The following TTLL10 variants were observed in gnomAD, a reference collection of about 807,000 sequenced individuals.
The protein encoded by TTLL10 is tubulin tyrosine ligase like 10, also known as inactive polyglycylase TTLL10.
TTLL10 carries 61 observed loss-of-function variants against 69.0 expected under a neutral mutation model. The observed-to-expected ratio is 0.88, with a 90% confidence interval of 0.72 to 1.09. TTLL10 has a LOEUF of 1.09. Among genes scored for constraint, TTLL10 ranks in the 50% least tolerant of loss-of-function variants. TTLL10 has a pLI of 0.00. For missense variants in TTLL10, 962 were observed against 945.9 expected, an observed-to-expected ratio of 1.02 and a Z score of -0.22; for synonymous variants, 408 against 393.3, an observed-to-expected ratio of 1.04 and a Z score of -0.44.
intron 7 of TTLL10, 36 bp from the exon 8 acceptor site, chr1:1,180,695 G>T (rs976706600): frequency 1.3e-6 from 2 of 1,585,610 alleles, no homozygotes; most frequent in Non-Finnish European, 1.7e-6. Flanking sequence ...GAGGTCCTGC[G>T]CTCCCTCCAC....
Position 1,197,532 on chromosome 1 carries a change from G to A in TTLL10, c.1707G>A (p.Glu569=), listed in dbSNP as rs1321094008. The A allele has an allele frequency of 6.5e-7, 1 of 1,531,728 alleles. No individual in the cohort carries two copies. The highest frequency in any genetic ancestry group is 2.0e-5 in the Admixed American group (1 of 48,986). 94.9% of individuals were successfully genotyped at this position (1,531,728 alleles called of 1,614,324 possible). The change falls in exon 16 of 16, where the codon GAG becomes GAA. Residue 569 remains glutamate (E), a synonymous_variant. Transcript: ENST00000379289. ...GCTTCGTGCTCCTGCACAACGGTGA[G>A]GCCGACCCGCGGCCGCACCTGGGGG... ...QRRFVLLHNG[E]ADPRPHLGGS...
intron 11 of TTLL10, among the ~76,000 whole-genome samples, chr1:1,183,712 GC>G (rs1477333937): frequency 1.3e-5 from 2 of 152,230 alleles, no homozygotes; most frequent in African/African-American, 4.8e-5. Context: ...CTGCGGTTAT[GC>G]CCTGGAGCAC....
In TTLL10 at chr1:1,181,662, C is replaced by T; in HGVS notation, c.756-79C>T. The T allele has an allele frequency of 7.4e-7, 1 of 1,349,554 alleles. No individual in the cohort carries two copies. The highest frequency in any genetic ancestry group is 1.0e-6 in the Non-Finnish European group (1 of 977,986). 83.6% of individuals were successfully genotyped at this position (1,349,554 alleles called of 1,614,324 possible). On this transcript the variant is annotated intron_variant, in intron 8 of 15. Transcript: ENST00000379289. The surrounding 1 kb of genome is among the most constrained non-coding windows in gnomAD (Gnocchi z 4.6). ...ACAGTCCGCCCACTCACCACCCATGCCCCATCCCCCAGTCCCCACCCGCTC... is the reference window on the plus strand; with the variant it reads ...ACAGTCCGCCCACTCACCACCCATGTCCCATCCCCCAGTCCCCACCCGCTC...
intron 13 of TTLL10, among the ~76,000 whole-genome samples, chr1:1,193,102 G>A (rs1557490742): frequency 6.6e-6 from 1 of 152,228 alleles, no homozygotes; most frequent in Non-Finnish European, 1.5e-5. Flanking sequence ...CAAGGCAGGT[G>A]GATCACAAGG....
chr1:1,186,711 T>C (rs1327083404), intron 13 of TTLL10, among the ~76,000 whole-genome samples: 1 of 152,162 alleles, frequency 6.6e-6, no homozygotes, highest in Non-Finnish European at 1.5e-5. Flanking sequence ...TCATTGTGGG[T>C]TTGATTTCCA....
intron 3 of TTLL10, chr1:1,175,934 T>TG (rs933699826): frequency 2.4e-6 from 1 of 420,450 alleles, no homozygotes; most frequent in Non-Finnish European, 4.6e-6. Context: ...GCTGTGCAGG[T>TG]GGAGAGAGGC....
At chr1:1,183,379 G>T (rs1385225164) in intron 11 of TTLL10, among the ~76,000 whole-genome samples, 1 of 152,170 alleles carries the variant, frequency 6.6e-6, no homozygotes, top group African/African-American at 2.4e-5. Context: ...CAGCCTTCAG[G>T]CCTATGGCCA....
chr1:1,194,183 A>C (rs1274723342), intron 13 of TTLL10, among the ~76,000 whole-genome samples: 1 of 152,196 alleles, frequency 6.6e-6, no homozygotes, highest in Non-Finnish European at 1.5e-5. Context: ...TAAAATAAAC[A>C]ATTCAGTTTT....
rs190206735 is a variant in TTLL10, at chr1:1,187,208, T to A, written c.1401+2099T>A. Among the ~76,000 whole-genome samples the A allele has an allele frequency of 2.6e-5, 4 of 152,368 alleles. No homozygotes were observed. The East Asian group carries it at 7.7e-4, about 29-fold the overall frequency. The stretch of plus-strand genomic sequence containing the variant: ...CAGACATATGATTTGCCAATATTTT[T>A]CTGGAATATTGTGGCTGTCTTTTCA... On this transcript the variant is annotated intron_variant, in intron 13 of 15. Transcript: ENST00000379289.
intron 4 of TTLL10, 139 bp from the exon 5 acceptor site, chr1:1,179,518 G>T: frequency 7.1e-7 from 1 of 1,403,574 alleles, no homozygotes; most frequent in Non-Finnish European, 9.7e-7. Context: ...GCACAGAGGG[G>T]AGCTGTCGCG....
chr1:1,187,036 C>G (rs1204156459), intron 13 of TTLL10, among the ~76,000 whole-genome samples: 1 of 151,194 alleles, frequency 6.6e-6, no homozygotes, highest in Non-Finnish European at 1.5e-5. Context: ...TTAGTAGAGA[C>G]AGGGTTTCAC....
intron 13 of TTLL10, among the ~76,000 whole-genome samples, chr1:1,189,325 A>G (rs894967625): frequency 1.3e-5 from 2 of 152,236 alleles, no homozygotes; most frequent in African/African-American, 4.8e-5. Flanking sequence ...TCCTAGAAGG[A>G]TGTTGAAATC....
intron 4 of TTLL10, 138 bp downstream of exon 4, chr1:1,179,471 C>CGA: frequency 8.0e-7 from 1 of 1,251,768 alleles, no homozygotes; most frequent in Non-Finnish European, 1.1e-6. Context: ...CCCGCTGCTC[C>CGA]GAGAGAGGGG....
At chr1:1,195,467 T>G (rs2100922992) in intron 13 of TTLL10, among the ~76,000 whole-genome samples, 2 of 150,778 alleles carry the variant, frequency 1.3e-5, no homozygotes, top group South Asian at 2.1e-4. Context: ...TTCACCAGTA[T>G]TCTCTATTAT....
chr1:1,196,818 T>C (rs1415194078), intron 14 of TTLL10, 102 bp downstream of exon 14: 1 of 909,680 alleles, frequency 1.1e-6, no homozygotes, highest in Non-Finnish European at 1.8e-6. Context: ...GAATCTGCAG[T>C]CAGCCCCCAC....
chr1:1,180,408 G>A lies in TTLL10; in HGVS notation c.506+68G>A, dbSNP rs562888185. Reference sequence around the variant, plus strand: ...ACCGCCTGCTCCCGGGGCCCAGCCCGGCCTCCGCTGGCCGCCCGCCATCCC... The same window carrying A: ...ACCGCCTGCTCCCGGGGCCCAGCCCAGCCTCCGCTGGCCGCCCGCCATCCC... On this transcript the variant is annotated intron_variant, in intron 6 of 15. Coordinates refer to ENST00000379289, the MANE Select transcript of TTLL10 (RefSeq NM_001130045.2). 2.9e-3 allele frequency: 4,448 copies of A among 1,540,058 alleles called. 15 individuals are homozygous for A. Among genetic ancestry groups the A allele is most frequent in the African/African-American group, 8.6e-3 (624 of 72,888 alleles).
chr1:1,196,442 C>T (rs545340738), intron 13 of TTLL10, 158 bp from the exon 14 acceptor site: 4 of 622,028 alleles, frequency 6.4e-6, no homozygotes, highest in African/African-American at 3.6e-5. Flanking sequence ...TGGCTGTGAA[C>T]CTGTGAGGCT....
In TTLL10 at chr1:1,180,552, G is replaced by A; in HGVS notation, c.576G>A (p.Leu192=). 1 of 1,552,454 alleles carries A rather than the reference G, an allele frequency of 6.4e-7. No individual in the cohort carries two copies. Among genetic ancestry groups the A allele is most frequent in the South Asian group, 1.2e-5 (1 of 84,154 alleles). ...IHDSRRDDYT[L]KWCEVKSRDS... is the part of the protein sequence containing the mutation. ...ACAGCCGCCGGGACGACTACACGCTGAAGTGGTGTGAGGTCAAGAGCCGAG... is the reference window on the plus strand; with the variant it reads ...ACAGCCGCCGGGACGACTACACGCTAAAGTGGTGTGAGGTCAAGAGCCGAG... Residue 192 remains leucine, a synonymous_variant, in exon 7 of 16, where the codon CTG becomes CTA. Coordinates refer to ENST00000379289, the MANE Select transcript of TTLL10 (RefSeq NM_001130045.2).
chr1:1,183,190 C>G (rs936454145), intron 11 of TTLL10, 143 bp downstream of exon 11: 1 of 1,053,630 alleles, frequency 9.5e-7, no homozygotes, highest in Non-Finnish European at 1.3e-6. Flanking sequence ...CAGCCGGGCC[C>G]CCGTGTAGCC....
Sources: gnomAD v4.1 joint callset for allele counts (sites outside exome capture counted in the v4.1 genomes callset) on GRCh38, gnomAD v4.1.1 for gene constraint, Gnocchi (gnomAD v3.1) non-coding constraint, MANE v1.5 for transcripts, NCBI Gene and HGNC (gene_info 2026-07-23, HGNC 2026-07-21) for gene names.